The following KHDRBS2 variants were observed in gnomAD, a reference collection of about 807,000 sequenced individuals.
KHDRBS2 encodes the protein KH domain-containing, RNA-binding, signal transduction-associated protein 2.
KHDRBS2 carries 26 observed loss-of-function variants against 44.3 expected under a neutral mutation model. That is an observed-to-expected ratio of 0.59 (90% confidence interval 0.43 to 0.81). The LOEUF is 0.81. Among genes scored for constraint, KHDRBS2 ranks in the 40% least tolerant of loss-of-function variants. The pLI, the probability that KHDRBS2 is intolerant of heterozygous loss-of-function variation, is 0.00. For missense variants in KHDRBS2, 476 were observed against 433.1 expected (o/e 1.10, Z -0.88); for synonymous variants, 194 against 151.1 (o/e 1.28, Z -2.08).
chr6:62,241,016 G>T (rs1442149708), intron 1 of KHDRBS2, among the ~76,000 whole-genome samples: 1 of 151,486 alleles, frequency 6.6e-6, no homozygotes, highest in Non-Finnish European at 1.5e-5. Context: ...CCTTAATATG[G>T]GTGTTTTGTT....
the KHDRBS2 span, among the ~76,000 whole-genome samples, chr6:61,636,645 G>C: frequency 6.6e-6 from 1 of 152,096 alleles, no homozygotes; most frequent in African/African-American, 2.4e-5. Context: ...AGAGGTCAGA[G>C]ATGCTGCTAA....
chr6:61,601,696 T>C, the KHDRBS2 span, among the ~76,000 whole-genome samples: 1 of 151,898 alleles, frequency 6.6e-6, no homozygotes, highest in Non-Finnish European at 1.5e-5. Context: ...GTCTTTCCAA[T>C]ATTCCTTTTC....
At chr6:62,273,885 C>CT (rs1840487885) in intron 1 of KHDRBS2, among the ~76,000 whole-genome samples, 1 of 152,086 alleles carries the variant, frequency 6.6e-6, no homozygotes, top group Non-Finnish European at 1.5e-5. Flanking sequence ...CTTGACCACC[C>CT]TTTATTTTTC....
At chr6:61,919,715 C>A (rs1807680733) in intron 4 of KHDRBS2, among the ~76,000 whole-genome samples, 1 of 151,530 alleles carries the variant, frequency 6.6e-6, no homozygotes, top group Non-Finnish European at 1.5e-5. Context: ...TTAAAAAAAC[C>A]TGAAGAACAA....
At chr6:61,572,840 T>C in the KHDRBS2 span, among the ~76,000 whole-genome samples, 1 of 152,164 alleles carries the variant, frequency 6.6e-6, no homozygotes, top group African/African-American at 2.4e-5. Flanking sequence ...AAGCCATCTA[T>C]GAAAAACCCA....
At chr6:61,648,360 G>T in the KHDRBS2 span, among the ~76,000 whole-genome samples, 2 of 152,034 alleles carry the variant, frequency 1.3e-5, no homozygotes, top group Non-Finnish European at 2.9e-5. Context: ...TGAGAAGAAA[G>T]AATGGATAGT....
chr6:61,971,159 G>A (rs575712948), intron 4 of KHDRBS2, among the ~76,000 whole-genome samples: 22 of 152,192 alleles, frequency 1.4e-4, no homozygotes, highest in African/African-American at 5.1e-4. Context: ...GTATTTTAAG[G>A]CATTGTTATA....
At chr6:61,585,886 A>G in the KHDRBS2 span, among the ~76,000 whole-genome samples, 1 of 152,100 alleles carries the variant, frequency 6.6e-6, no homozygotes, top group Non-Finnish European at 1.5e-5. Flanking sequence ...ATTCAATTAG[A>G]CTGAACCCCA....
intron 3 of KHDRBS2, among the ~76,000 whole-genome samples, chr6:61,984,723 C>T (rs1774695654): frequency 2.0e-5 from 3 of 152,176 alleles, no homozygotes; most frequent in African/African-American, 7.2e-5. Flanking sequence ...TGAGCAACTG[C>T]CACATGACTG....
chr6:61,973,465 T>C (rs572073856), intron 4 of KHDRBS2, among the ~76,000 whole-genome samples: 2 of 152,314 alleles, frequency 1.3e-5, no homozygotes, highest in South Asian at 2.1e-4. Context: ...TTTTCCTCCA[T>C]AGTCAGGCTC....
At chr6:61,885,695 C>T (rs1369844262) in intron 6 of KHDRBS2, among the ~76,000 whole-genome samples, 1 of 152,146 alleles carries the variant, frequency 6.6e-6, no homozygotes, top group Non-Finnish European at 1.5e-5. Flanking sequence ...CCATTTGACA[C>T]AAAGGGCAGT....
Position 61,680,953 on chromosome 6 carries a change from G to A in KHDRBS2, c.*10C>T. 1 of 1,575,010 alleles carries A rather than the reference G, an allele frequency of 6.3e-7. No homozygotes were observed. The highest frequency in any genetic ancestry group is 2.2e-5 in the East Asian group (1 of 44,454). On this transcript the variant is annotated 3_prime_UTR_variant, in exon 9 of 9. Transcript: ENST00000281156. ...TGTCTTTGAGGTGAGGTCACAGGTG[G>A]GAAGGACCTTCAATATCTACCATAG... is the stretch of plus-strand genomic sequence containing the variant.
intron 6 of KHDRBS2, among the ~76,000 whole-genome samples, chr6:61,786,143 A>T (rs959049720): frequency 6.6e-6 from 1 of 152,084 alleles, no homozygotes; most frequent in African/African-American, 2.4e-5. Context: ...TAGCCTTTAA[A>T]TTGAACTTTT....
the KHDRBS2 span, among the ~76,000 whole-genome samples, chr6:61,610,384 T>G: frequency 6.6e-6 from 1 of 152,132 alleles, no homozygotes; most frequent in African/African-American, 2.4e-5. Flanking sequence ...ATCTGAAAAT[T>G]TAGCAACTTA....
At chr6:61,915,941 G>A (rs1240631788) in intron 4 of KHDRBS2, among the ~76,000 whole-genome samples, 1 of 151,990 alleles carries the variant, frequency 6.6e-6, no homozygotes, top group Admixed American at 6.6e-5. Flanking sequence ...TGCTTCCAAA[G>A]CATCAGTAAG....
chr6:61,754,083 C>T (rs1012579267), intron 6 of KHDRBS2, among the ~76,000 whole-genome samples: 2 of 152,088 alleles, frequency 1.3e-5, no homozygotes. Flanking sequence ...GACTTCTGGC[C>T]TCCGGAACTG....
chr6:61,690,472 G>T (rs1025507736), intron 8 of KHDRBS2, among the ~76,000 whole-genome samples: 5 of 151,812 alleles, frequency 3.3e-5, no homozygotes, highest in Non-Finnish European at 7.4e-5. Context: ...CCTTTCCTAT[G>T]GCTTGTTTTA....
intron 2 of KHDRBS2, among the ~76,000 whole-genome samples, chr6:62,097,570 T>C (rs1800898273): frequency 6.6e-6 from 1 of 152,076 alleles, no homozygotes; most frequent in African/African-American, 2.4e-5. Flanking sequence ...AGTTTCCATT[T>C]CCATGTGTAT....
the KHDRBS2 span, among the ~76,000 whole-genome samples, chr6:61,670,780 G>T: frequency 3.8e-5 from 5 of 130,460 alleles, no homozygotes; most frequent in South Asian, 2.3e-4. Context: ...TATGAACAGA[G>T]ATTACATATT....
Sources: allele counts gnomAD v4.1 joint callset (sites outside exome capture counted in the v4.1 genomes callset), GRCh38; gene constraint gnomAD v4.1.1; transcripts MANE v1.5; gene names NCBI Gene and HGNC (gene_info 2026-07-23, HGNC 2026-07-21).